Variants in PPP2R3A observed in about 807,000 individuals in gnomAD.
The protein encoded by PPP2R3A is protein phosphatase 2 regulatory subunit B''alpha.
In PPP2R3A, 80 loss-of-function variants were observed where a neutral mutation model predicts 106.9. The observed-to-expected ratio is 0.75, with a 90% CI of 0.62 to 0.90. The LOEUF is 0.90. Ranked by LOEUF, PPP2R3A falls within the 40% of genes least tolerant of loss-of-function variation. The probability of loss-of-function intolerance (pLI) is 0.00; values close to 1 mark genes in which losing one functional copy is unlikely to be tolerated. For missense variants in PPP2R3A, 1,386 were observed against 1,350.4 expected, an observed-to-expected ratio of 1.03 and a Z score of -0.41; for synonymous variants, 483 against 468.3, an observed-to-expected ratio of 1.03 and a Z score of -0.41.
chr3:136,119,480 A>G lies in PPP2R3A; in HGVS notation c.3329+13158A>G, dbSNP rs371391696. ...TGCAATCTATCCATCTGACAGGGCT[A>G]ATATCCAAAATCTACAAAGAACTTA... is the stretch of plus-strand genomic sequence containing the variant. On this transcript the variant is annotated intron_variant, in intron 13 of 13. Coordinates refer to ENST00000264977, the MANE Select transcript of PPP2R3A (RefSeq NM_002718.5). 2.6e-4 allele frequency among the ~76,000 whole-genome samples: 40 copies of G among 152,362 alleles called. No individual in the cohort carries two copies. The South Asian group carries it at 7.9e-3, about 30-fold the overall frequency.
chr3:136,095,841 T>G (rs531463278), intron 10 of PPP2R3A, among the ~76,000 whole-genome samples: 1 of 152,246 alleles, frequency 6.6e-6, no homozygotes, highest in South Asian at 2.1e-4. Context: ...GAGCAGAAAA[T>G]AGTGTCCACC....
At chr3:136,068,537 TAAATAGG>T (rs1936330162) in intron 5 of PPP2R3A, among the ~76,000 whole-genome samples, 1 of 149,890 alleles carries the variant, frequency 6.7e-6, no homozygotes, top group African/African-American at 2.5e-5. Flanking sequence ...ATAAAAGAAA[TAAATAGG>T]AGAGAAGAGA....
chr3:136,043,139 A>G (rs769823323), intron 4 of PPP2R3A, among the ~76,000 whole-genome samples: 2 of 152,114 alleles, frequency 1.3e-5, no homozygotes, highest in Non-Finnish European at 2.9e-5. Flanking sequence ...TTAAAAAAAA[A>G]AAGAGTCAAA....
chr3:136,047,312 A>C (rs1040994261), intron 4 of PPP2R3A, among the ~76,000 whole-genome samples: 1 of 152,210 alleles, frequency 6.6e-6, no homozygotes, highest in Non-Finnish European at 1.5e-5. Context: ...AAAGAAAAAT[A>C]AGTCATTCTG....
rs185085919 is a variant in PPP2R3A, at chr3:136,070,112, C to T, written c.2470-366C>T. On this transcript the variant is annotated intron_variant, in intron 5 of 13. Coordinates refer to ENST00000264977, the MANE Select transcript of PPP2R3A (RefSeq NM_002718.5). ...TTCATTGGCTTGCATCTACTGTCCA[C>T]GACATCCTTTCTGTGTAAATACACT... 7.4e-4 allele frequency among the ~76,000 whole-genome samples: 113 copies of T among 152,200 alleles called. 1 individual carries two copies. Among genetic ancestry groups the T allele is most frequent in the African/African-American group, 2.4e-3 (98 of 41,522 alleles).
intron 8 of PPP2R3A, among the ~76,000 whole-genome samples, chr3:136,083,214 G>T (rs1005979220): frequency 6.6e-6 from 1 of 152,062 alleles, no homozygotes; most frequent in Non-Finnish European, 1.5e-5. Flanking sequence ...ATGGTGGTAT[G>T]GTTTGGCTAT....
chr3:136,016,661 G>A (rs1934279627), intron 2 of PPP2R3A, among the ~76,000 whole-genome samples: 1 of 152,044 alleles, frequency 6.6e-6, no homozygotes, highest in Admixed American at 6.6e-5. Context: ...CCATTTGCAT[G>A]GATTATCTTT....
intron 2 of PPP2R3A, among the ~76,000 whole-genome samples, chr3:136,016,018 A>G (rs1288538201): frequency 6.6e-6 from 1 of 151,992 alleles, no homozygotes; most frequent in Non-Finnish European, 1.5e-5. Flanking sequence ...AGGTTGTGTC[A>G]CTATTATTGT....
At chr3:135,967,998 C>T (rs947222400) in intron 1 of PPP2R3A, among the ~76,000 whole-genome samples, 3 of 152,168 alleles carry the variant, frequency 2.0e-5, no homozygotes. Context: ...CAAATGTCCC[C>T]CAGGAGGACC....
At chr3:136,054,341 C>T (rs1935787718) in intron 5 of PPP2R3A, among the ~76,000 whole-genome samples, 1 of 148,692 alleles carries the variant, frequency 6.7e-6, no homozygotes, top group Non-Finnish European at 1.5e-5. Flanking sequence ...TCACTGCAAC[C>T]TCCGCCTCCC....
intron 5 of PPP2R3A, among the ~76,000 whole-genome samples, chr3:136,058,543 G>A (rs1390164722): frequency 6.6e-6 from 1 of 152,132 alleles, no homozygotes; most frequent in African/African-American, 2.4e-5. Context: ...AACATTCCAT[G>A]CTCATGGGTA....
At chr3:136,101,466 C>T (rs942311511) in intron 10 of PPP2R3A, among the ~76,000 whole-genome samples, 1 of 152,112 alleles carries the variant, frequency 6.6e-6, no homozygotes, top group Non-Finnish European at 1.5e-5. Context: ...GTTCTTTCAC[C>T]CAGGCTGGAG....
chr3:136,116,821 T>G (rs1398880630), intron 13 of PPP2R3A, among the ~76,000 whole-genome samples: 2 of 151,496 alleles, frequency 1.3e-5, no homozygotes, highest in African/African-American at 4.8e-5. Flanking sequence ...ATGTCAGTAT[T>G]AGATCAACAA....
chr3:135,988,473 G>A (rs1933020361), intron 1 of PPP2R3A, among the ~76,000 whole-genome samples: 1 of 151,918 alleles, frequency 6.6e-6, no homozygotes, highest in Admixed American at 6.6e-5. Context: ...CTTGTCCCCT[G>A]TAGTCTGTTC....
At chr3:136,048,118 A>G (rs1935537739) in intron 4 of PPP2R3A, among the ~76,000 whole-genome samples, 1 of 152,172 alleles carries the variant, frequency 6.6e-6, no homozygotes, top group Admixed American at 6.5e-5. Context: ...GAAAAAAAAA[A>G]GTTATTCCAA....
intron 3 of PPP2R3A, among the ~76,000 whole-genome samples, chr3:136,040,250 G>A (rs1487374645): frequency 6.6e-6 from 1 of 152,158 alleles, no homozygotes; most frequent in African/African-American, 2.4e-5. Context: ...AAATTTATAA[G>A]AGTGGTAAGC....
intron 1 of PPP2R3A, among the ~76,000 whole-genome samples, chr3:135,988,687 C>T (rs921946744): frequency 6.6e-6 from 1 of 152,144 alleles, no homozygotes; most frequent in African/African-American, 2.4e-5. Context: ...TCCTTTTCCC[C>T]TAACCCACCC....
At chr3:136,120,134 G>A (rs917431188) in intron 13 of PPP2R3A, among the ~76,000 whole-genome samples, 2 of 149,478 alleles carry the variant, frequency 1.3e-5, no homozygotes. Context: ...AGGCCTGTCC[G>A]GGGGGGGTGG....
chr3:136,052,700 A>G (rs1935724475), intron 5 of PPP2R3A, among the ~76,000 whole-genome samples: 1 of 152,212 alleles, frequency 6.6e-6, no homozygotes, highest in Admixed American at 6.5e-5. Flanking sequence ...ACAGACAACA[A>G]CAAAATCATA....
Sources: allele counts gnomAD v4.1 joint callset (sites outside exome capture counted in the v4.1 genomes callset), GRCh38; gene constraint gnomAD v4.1.1; transcripts MANE v1.5; gene names NCBI Gene and HGNC (gene_info 2026-07-23, HGNC 2026-07-21).